The following NTRK3 variants were observed in gnomAD, a reference collection of about 807,000 sequenced individuals.
NTRK3 encodes the protein neurotrophic receptor tyrosine kinase 3.
NTRK3 carries 24 observed loss-of-function variants against 91.7 expected under a neutral mutation model. The observed-to-expected ratio is 0.26, with a 90% CI of 0.19 to 0.37. The LOEUF is 0.37. Among genes scored for constraint, NTRK3 ranks in the 10% least tolerant of loss-of-function variants. The pLI, the probability that NTRK3 is intolerant of heterozygous loss-of-function variation, is 1.00. For synonymous variants in NTRK3, 483 were observed against 404.0 expected (o/e 1.20, Z -2.34); for missense variants, 880 against 1,068.9 (o/e 0.82, Z 2.46).
At chr15:88,144,271 G>T (rs908911453) in intron 6 of NTRK3, 1 of 152,210 alleles carries the variant, frequency 6.6e-6, no homozygotes, top group African/African-American at 2.4e-5. Flanking sequence ...TCCAATGCAA[G>T]TCATGGAAGA....
intron 3 of NTRK3, among the ~76,000 whole-genome samples, chr15:88,248,992 G>A (rs1346804732): frequency 1.3e-5 from 2 of 152,188 alleles, no homozygotes; most frequent in South Asian, 2.1e-4. Flanking sequence ...AGGAGGAAAG[G>A]GATTTGTTCA....
intron 3 of NTRK3, chr15:88,252,453 G>A (rs2053508784): frequency 6.6e-6 from 1 of 152,192 alleles, no homozygotes; most frequent in Non-Finnish European, 1.5e-5. Flanking sequence ...GTGAGACCCA[G>A]CTGGCGACTC....
intron 3 of NTRK3, among the ~76,000 whole-genome samples, chr15:88,206,667 AAAAAAAAAAAC>A (rs1254784515): frequency 6.7e-6 from 1 of 148,784 alleles, no homozygotes; most frequent in African/African-American, 2.4e-5. Context: ...CGAAAAAAAA[AAAAAAAAAAAC>A]AAACCTCTCC....
chr15:87,980,596 G>A (rs74933613), intron 14 of NTRK3, among the ~76,000 whole-genome samples: 240 of 152,272 alleles, frequency 1.6e-3, no homozygotes, highest in East Asian at 9.1e-3. Context: ...ATCTTTTTAT[G>A]GAAGCTATGC....
At chr15:88,106,815 C>A (rs1372414527) in intron 13 of NTRK3, among the ~76,000 whole-genome samples, 1 of 152,000 alleles carries the variant, frequency 6.6e-6, no homozygotes, top group Non-Finnish European at 1.5e-5. Flanking sequence ...TGCCTGTAAT[C>A]CCAGCTATTC....
chr15:88,041,328 G>T (rs1272105273), intron 13 of NTRK3, among the ~76,000 whole-genome samples: 1 of 152,192 alleles, frequency 6.6e-6, no homozygotes, highest in Non-Finnish European at 1.5e-5. Context: ...GGGTTGGGGG[G>T]CAGCAATCTC....
At chr15:88,189,983 C>A (rs1406072973) in intron 3 of NTRK3, among the ~76,000 whole-genome samples, 1 of 152,158 alleles carries the variant, frequency 6.6e-6, no homozygotes, top group Non-Finnish European at 1.5e-5. Flanking sequence ...AGACGCCCAC[C>A]ACCATCTAAC....
In NTRK3 at chr15:87,982,605, C is replaced by CT. The variant is rs907493716; in HGVS notation, c.1586-41853dup. On this transcript the variant is annotated intron_variant, in intron 14 of 18. Transcript: ENST00000394480. ...AGAAGCAAGCCAGAGGCTCTGGGAT[C>CT]TTTTTGGGAAAGGGAGGGACACTGT... 7.9e-5 allele frequency among the ~76,000 whole-genome samples: 12 copies of CT among 152,118 alleles called. No individual in the cohort carries two copies. The South Asian group carries it at 2.5e-3, about 31-fold the overall frequency.
intron 5 of NTRK3, among the ~76,000 whole-genome samples, chr15:88,178,193 G>A (rs768183485): frequency 3.9e-5 from 6 of 152,258 alleles, no homozygotes; most frequent in Admixed American, 6.5e-5. Context: ...TAAGGGGGAA[G>A]GCAGAAAAGC....
At chr15:88,150,596 A>C (rs1158674639) in intron 5 of NTRK3, among the ~76,000 whole-genome samples, 2 of 151,918 alleles carry the variant, frequency 1.3e-5, no homozygotes, top group Non-Finnish European at 2.9e-5. Context: ...TGAAGCACTC[A>C]TGTGATCTGC....
chr15:87,931,338 T>C, intron 16 of NTRK3: 1 of 424,148 alleles, frequency 2.4e-6, no homozygotes, highest in Non-Finnish European at 4.7e-6. Flanking sequence ...TGAGAAAGAG[T>C]GTTGCCTAGA....
chr15:87,994,265 A>G lies in NTRK3; in HGVS notation c.1585+38592T>C, dbSNP rs150578688. ...GATTGAATTGTGCCCCTCAAACACC[A>G]TCACCACAGTACCTCATATTGTCAC... On this transcript the variant is annotated intron_variant, in intron 14 of 18. Transcript: ENST00000394480. Among the ~76,000 whole-genome samples the G allele has an allele frequency of 3.0e-3, 453 of 152,328 alleles. 1 individual carries two copies. The highest frequency in any genetic ancestry group is 9.8e-3 in the African/African-American group (409 of 41,578).
chr15:88,107,650 G>C (rs944744011), intron 13 of NTRK3, among the ~76,000 whole-genome samples: 2 of 152,080 alleles, frequency 1.3e-5, no homozygotes, highest in Non-Finnish European at 2.9e-5. Context: ...TCTCTCAAGA[G>C]CAGTGAGAGA....
chr15:87,993,480 G>A (rs1567199011), intron 14 of NTRK3, among the ~76,000 whole-genome samples: 1 of 152,128 alleles, frequency 6.6e-6, no homozygotes, highest in Non-Finnish European at 1.5e-5. Context: ...CGGAGGAAAG[G>A]TGTCCCATTG....
At chr15:88,128,036 A>C (rs1034962080) in intron 11 of NTRK3, among the ~76,000 whole-genome samples, 40 of 152,238 alleles carry the variant, frequency 2.6e-4, no homozygotes, top group African/African-American at 8.2e-4. Context: ...GGGTGTTTCT[A>C]AACAGCACCT....
chr15:88,030,187 A>G (rs2078396934), intron 14 of NTRK3, among the ~76,000 whole-genome samples: 1 of 152,124 alleles, frequency 6.6e-6, no homozygotes, highest in Admixed American at 6.5e-5. Flanking sequence ...TCATCAGTAA[A>G]CCTGCTGCCT....
chr15:88,247,494 C>T (rs926391483), intron 3 of NTRK3, among the ~76,000 whole-genome samples: 4 of 152,238 alleles, frequency 2.6e-5, no homozygotes, highest in African/African-American at 7.2e-5. Flanking sequence ...TTGATCTTCT[C>T]TCTAACTCAG....
intron 13 of NTRK3, among the ~76,000 whole-genome samples, chr15:88,046,390 C>T (rs1387914722): frequency 6.6e-6 from 1 of 152,144 alleles, no homozygotes; most frequent in Non-Finnish European, 1.5e-5. Flanking sequence ...ACAACCTCAG[C>T]CTGAACAGGT....
intron 3 of NTRK3, among the ~76,000 whole-genome samples, chr15:88,206,300 C>A (rs1205195324): frequency 7.7e-6 from 1 of 130,028 alleles, no homozygotes; most frequent in Non-Finnish European, 1.6e-5. Context: ...GAGCCGAGAT[C>A]GCGCCACTGC....
Sources: allele counts gnomAD v4.1 joint callset (sites outside exome capture counted in the v4.1 genomes callset), GRCh38; gene constraint gnomAD v4.1.1; transcripts MANE v1.5; gene names NCBI Gene and HGNC (gene_info 2026-07-23, HGNC 2026-07-21).